The following MLLT10 variants were observed in gnomAD, a reference collection of about 807,000 sequenced individuals.
The protein encoded by MLLT10 is MLLT10 histone lysine methyltransferase DOT1L cofactor.
Under a neutral mutation model 129.1 loss-of-function variants are expected in MLLT10, and 30 were observed. The ratio of observed to expected loss-of-function variants is 0.23; its 90% CI spans 0.17 to 0.32. The LOEUF (loss-of-function observed/expected upper bound fraction) is 0.32, where lower values mean the gene tolerates loss of function less well. Among genes scored for constraint, MLLT10 ranks in the 10% least tolerant of loss-of-function variants. MLLT10 has a pLI of 1.00. For missense variants in MLLT10, 1,119 were observed against 1,268.3 expected, an observed-to-expected ratio of 0.88 and a Z score of 1.79; for synonymous variants, 490 against 446.4, an observed-to-expected ratio of 1.10 and a Z score of -1.23.
intron 8 of MLLT10, chr10:21,626,040 C>A (rs2046397123): frequency 1.5e-6 from 2 of 1,339,272 alleles, no homozygotes; most frequent in Admixed American, 3.4e-5. Context: ...AGAGTATAAT[C>A]ATTTCTCTCA....
At chr10:21,703,369 A>C (rs1489771891) in intron 13 of MLLT10, among the ~76,000 whole-genome samples, 1 of 151,152 alleles carries the variant, frequency 6.6e-6, no homozygotes, top group Non-Finnish European at 1.5e-5. Context: ...GAAATCTGTT[A>C]GTCTGATGGG....
intron 2 of MLLT10, among the ~76,000 whole-genome samples, chr10:21,535,008 TCA>T (rs891591434): frequency 1.5e-4 from 22 of 149,274 alleles, no homozygotes; most frequent in Non-Finnish European, 2.8e-4. Context: ...GATTCCGCTC[TCA>T]CTCTCTCAAG....
intron 21 of MLLT10, among the ~76,000 whole-genome samples, chr10:21,738,159 T>G (rs949084618): frequency 2.6e-5 from 4 of 151,824 alleles, no homozygotes; most frequent in Admixed American, 6.6e-5. Context: ...TCTCAGCTAC[T>G]CAGGAGGCTG....
At chr10:21,715,749 C>T (rs766213422) in intron 14 of MLLT10, among the ~76,000 whole-genome samples, 6 of 152,172 alleles carry the variant, frequency 3.9e-5, no homozygotes, top group Non-Finnish European at 8.8e-5. Context: ...GGGAAAATTC[C>T]ACTTGACATG....
rs749013722 is a variant in MLLT10 at position 21,681,387 on chromosome 10, A to G, written c.1666+11A>G. 6.3e-7 allele frequency: 1 copy of G among 1,594,266 alleles called. No homozygotes were observed. Among genetic ancestry groups the G allele is most frequent in the East Asian group, 2.2e-5 (1 of 44,554 alleles). ...CTTGCCCAACAACTAGTAAGTTGTC[A>G]AACTGGGTTGATAACCCGGGCCTTT... On this transcript the variant is annotated intron_variant, in intron 12 of 22. Coordinates refer to ENST00000307729, the MANE Select transcript of MLLT10 (RefSeq NM_001195626.3).
intron 17 of MLLT10, 99 bp from the exon 18 acceptor site, chr10:21,732,800 T>TAAAAAAAAAGTG: frequency 2.1e-6 from 2 of 949,280 alleles, no homozygotes; most frequent in Non-Finnish European, 3.0e-6. Context: ...ATTTCTACTG[T>TAAAAAAAAAGTG]TCTATTTTAA....
intron 9 of MLLT10, among the ~76,000 whole-genome samples, chr10:21,665,301 T>TG (rs60935994): frequency 0.042 from 4,725 of 111,914 alleles, 122 homozygotes; most frequent in East Asian, 0.075. Context: ...TTGTTTTTTT[T>TG]GGGGGGGGGG....
At chr10:21,603,065 T>A (rs2043710638) in intron 5 of MLLT10, among the ~76,000 whole-genome samples, 1 of 151,678 alleles carries the variant, frequency 6.6e-6, no homozygotes, top group Non-Finnish European at 1.5e-5. Flanking sequence ...TTTTTTTCTT[T>A]TTTTTTTGAG....
intron 13 of MLLT10, 105 bp downstream of exon 13, chr10:21,682,362 C>A: frequency 8.9e-7 from 1 of 1,119,076 alleles, no homozygotes; most frequent in Admixed American, 2.3e-5. Flanking sequence ...TAGATGAAAT[C>A]CAGTGCTGCA....
intron 13 of MLLT10, among the ~76,000 whole-genome samples, chr10:21,711,722 G>A (rs1258056926): frequency 6.6e-6 from 1 of 152,190 alleles, no homozygotes; most frequent in African/African-American, 2.4e-5. Flanking sequence ...TCCAGCATAG[G>A]TGAGAGAGAC....
intron 8 of MLLT10, chr10:21,625,188 T>G: frequency 6.7e-7 from 1 of 1,487,048 alleles, no homozygotes; most frequent in Non-Finnish European, 9.4e-7. Context: ...GCAGTGCTTC[T>G]GGAGGCCTGT....
intron 21 of MLLT10, among the ~76,000 whole-genome samples, chr10:21,738,908 T>TAC (rs1239440736): frequency 1.1e-4 from 16 of 152,048 alleles, no homozygotes; most frequent in African/African-American, 2.9e-4. Flanking sequence ...TGCTGATACT[T>TAC]ACATCTCCAG....
intron 14 of MLLT10, among the ~76,000 whole-genome samples, chr10:21,720,510 C>T (rs910745182): frequency 1.2e-4 from 19 of 152,198 alleles, no homozygotes; most frequent in Admixed American, 1.3e-4. Flanking sequence ...AATGTTCATT[C>T]ATGTTTTTGC....
intron 14 of MLLT10, among the ~76,000 whole-genome samples, chr10:21,717,599 TTCTTCCTCTTCTTCCTCC>T (rs2056734923): frequency 8.1e-6 from 1 of 124,098 alleles, no homozygotes; most frequent in Non-Finnish European, 1.7e-5. Flanking sequence ...TTCCTCTTCT[TTCTTCCTCTTCTTCCTCC>T]TCTTCCTCCT....
At position 21,534,494 on chromosome 10, in the gene MLLT10, C is replaced by A; in HGVS notation, c.-27C>A. On this transcript the variant is annotated 5_prime_UTR_variant, in exon 1 of 23. Coordinates refer to ENST00000307729, the MANE Select transcript of MLLT10 (RefSeq NM_001195626.3). ...CATGGCTCCTGACTCCTGTGCGGAA[C>A]GTGAGTGACTGAGCGGCAAAGCCCG... The A allele has an allele frequency of 2.9e-6, 2 of 699,706 alleles. No individual in the cohort carries two copies. The highest frequency in any genetic ancestry group is 3.4e-5 in the East Asian group (1 of 29,152). 43.3% of individuals were successfully genotyped at this position (699,706 alleles called of 1,614,324 possible). A position where few individuals can be genotyped will look rare whatever the true frequency, so the allele number is the denominator to read the frequency against.
chr10:21,535,105 G>C lies in MLLT10; in HGVS notation c.160+301G>C, dbSNP rs1423833802. On this transcript the variant is annotated intron_variant, in intron 2 of 22. Coordinates refer to ENST00000307729, the MANE Select transcript of MLLT10 (RefSeq NM_001195626.3). Reference sequence around the variant, plus strand: ...GGGGCAGGGCGGCGGCCGCGCCCTCGAGATCTGGGCCGGGGTGGGGGCGGG... The same window carrying C: ...GGGGCAGGGCGGCGGCCGCGCCCTCCAGATCTGGGCCGGGGTGGGGGCGGG... Among the ~76,000 whole-genome samples, 3 of 140,232 alleles carry C rather than the reference G, an allele frequency of 2.1e-5. No individual in the cohort carries two copies. In the East Asian group the frequency reaches 6.5e-4, roughly 30 times the overall value. 92.0% of individuals were successfully genotyped at this position (140,232 alleles called of 152,430 possible).
At chr10:21,716,793 G>A (rs1465713415) in intron 14 of MLLT10, among the ~76,000 whole-genome samples, 1 of 151,974 alleles carries the variant, frequency 6.6e-6, no homozygotes, top group African/African-American at 2.4e-5. Context: ...GATAGATGAT[G>A]GAAATATTAA....
rs897726486 is a variant in MLLT10 at position 21,680,583 on chromosome 10, A to G, written c.1622-749A>G. ...TATGCTGCTATATAAGTCATAATAT[A>G]TTTATGGTCATATATCAACTAAATT... On this transcript the variant is annotated intron_variant, in intron 11 of 22. Transcript: ENST00000307729. 2.0e-5 allele frequency among the ~76,000 whole-genome samples: 3 copies of G among 152,202 alleles called. No individual in the cohort carries two copies. The South Asian group carries it at 6.2e-4, about 31-fold the overall frequency.
At chr10:21,563,299 G>A (rs2039097705) in intron 3 of MLLT10, among the ~76,000 whole-genome samples, 1 of 152,078 alleles carries the variant, frequency 6.6e-6, no homozygotes, top group South Asian at 2.1e-4. Context: ...TGAGGCGGGT[G>A]GGTCACTTGA....
Sources: gnomAD v4.1 joint callset for allele counts (sites outside exome capture counted in the v4.1 genomes callset) on GRCh38, gnomAD v4.1.1 for gene constraint, MANE v1.5 for transcripts, NCBI Gene and HGNC (gene_info 2026-07-23, HGNC 2026-07-21) for gene names.